ZNF652: variants seen among roughly 807,000 people sequenced by gnomAD.
ZNF652 encodes the protein zinc finger protein 652.
A neutral mutation model predicts 45.2 loss-of-function variants in ZNF652; 16 were observed. The observed-to-expected ratio is 0.35, with a 90% CI of 0.24 to 0.54. The LOEUF is 0.54. ZNF652 is among the 20% of genes least tolerant of loss of function. The pLI is 0.91. For synonymous variants in ZNF652, 250 were observed against 260.6 expected, an observed-to-expected ratio of 0.96 and a Z score of 0.39; for missense variants, 614 against 765.6, an observed-to-expected ratio of 0.80 and a Z score of 2.34.
At chr17:49,309,949 ATC>A (rs1343737848) in intron 5 of ZNF652, among the ~76,000 whole-genome samples, 2 of 151,976 alleles carry the variant, frequency 1.3e-5, no homozygotes, top group Non-Finnish European at 2.9e-5. Flanking sequence ...AAGCAAGATA[ATC>A]TCTGTTGTTC....
At chr17:49,356,419 ACT>A (rs1286600547) in intron 1 of ZNF652, among the ~76,000 whole-genome samples, 4 of 93,616 alleles carry the variant, frequency 4.3e-5, no homozygotes, top group East Asian at 6.7e-4. Context: ...ACAGAACAAG[ACT>A]CTGTCTGCAA....
rs763711516 is a variant in ZNF652 at position 49,311,442 on chromosome 17, C to A, written c.1179G>T (p.Arg393Ser). 5 of 1,613,888 alleles carry A rather than the reference C, an allele frequency of 3.1e-6. No individual in the cohort carries two copies. The Admixed American group carries it at 8.3e-5, about 27-fold the overall frequency. The change falls in exon 5 of 6, where the codon AGG becomes AGT. Residue 393 changes from arginine (R) to serine (S), a missense_variant. Transcript: ENST00000430262. ...KPFRCENCDE[R>S]FQYKYQLRSH... is the part of the protein sequence containing the mutation. ...AGCGTAGCTGGTACTTGTACTGAAA[C>A]CTTTCGTCACAGTTCTGCATTGGAT...
chr17:49,338,756 TGAG>T (rs1415957327), intron 1 of ZNF652, among the ~76,000 whole-genome samples: 1 of 152,032 alleles, frequency 6.6e-6, no homozygotes, highest in East Asian at 1.9e-4. Flanking sequence ...ATTTGGGGGC[TGAG>T]GAGACAGGAT....
chr17:49,341,134 C>G (rs1022117245), intron 1 of ZNF652, among the ~76,000 whole-genome samples: 1 of 151,858 alleles, frequency 6.6e-6, no homozygotes, highest in African/African-American at 2.4e-5. Flanking sequence ...TCATTTGAAC[C>G]CAGGAGGTGG....
intron 5 of ZNF652, among the ~76,000 whole-genome samples, chr17:49,299,921 A>G (rs1380014632): frequency 6.6e-6 from 1 of 151,540 alleles, no homozygotes; most frequent in Non-Finnish European, 1.5e-5. Flanking sequence ...CATGGGCTCA[A>G]GTGATCCTCC....
intron 1 of ZNF652, among the ~76,000 whole-genome samples, chr17:49,353,067 T>C (rs1468609286): frequency 2.0e-5 from 3 of 152,194 alleles, no homozygotes; most frequent in African/African-American, 7.2e-5. Context: ...TTATACAAAT[T>C]GATATTCACA....
chr17:49,298,984 C>T, intron 5 of ZNF652, 60 bp from the exon 6 acceptor site: 5 of 1,203,512 alleles, frequency 4.2e-6, no homozygotes, highest in Non-Finnish European at 5.5e-6. Context: ...TGTGCTCAAG[C>T]TTTTTTTTTT....
chr17:49,317,847 T>C lies in ZNF652; in HGVS notation c.-122A>G. 8.9e-7 allele frequency: 1 copy of C among 1,126,826 alleles called. No homozygotes were observed. Among genetic ancestry groups the C allele is most frequent in the African/African-American group, 1.6e-5 (1 of 63,808 alleles). The allele number at this position is 1,126,826 out of a possible 1,614,324, so 69.8% of individuals were successfully genotyped here. A position where few individuals can be genotyped will look rare whatever the true frequency, so the allele number is the denominator to read the frequency against. ...GAATCACTCAAATGAAAAAAAGATATTCCTGGAAACTGTGTGCAATTCTTC... is the reference window on the plus strand; with the variant it reads ...GAATCACTCAAATGAAAAAAAGATACTCCTGGAAACTGTGTGCAATTCTTC... On this transcript the variant is annotated 5_prime_UTR_variant, in exon 2 of 6. Coordinates refer to ENST00000430262, the MANE Select transcript of ZNF652 (RefSeq NM_001145365.3).
rs749590578 is a variant in ZNF652, at chr17:49,312,053, G to A, written c.1049-11C>T. The A allele has an allele frequency of 4.4e-6, 7 of 1,585,388 alleles. No homozygotes were observed. In the African/African-American group the frequency reaches 5.4e-5, roughly 12 times the overall value. ...TGTCTTTTGTGTGTGCTGCAACACAGAATGTACTTAGTGTCAAAACAAAAT... is the reference window on the plus strand; with the variant it reads ...TGTCTTTTGTGTGTGCTGCAACACAAAATGTACTTAGTGTCAAAACAAAAT... On this transcript the variant is annotated splice_polypyrimidine_tract_variant and intron_variant, in intron 3 of 5. Coordinates refer to ENST00000430262, the MANE Select transcript of ZNF652 (RefSeq NM_001145365.3).
In ZNF652 at chr17:49,298,162, A is replaced by G. The variant is rs2069500207; in HGVS notation, c.*251T>C. ...ACAAGTCTGAGTATTTGAAACTTAT[A>G]AAAGTCATCAGAAAATGCAAGCAAA... On this transcript the variant is annotated 3_prime_UTR_variant, in exon 6 of 6. Transcript: ENST00000430262. 1 of 520,248 alleles carries G rather than the reference A, an allele frequency of 1.9e-6. No individual in the cohort carries two copies. The highest frequency in any genetic ancestry group is 3.4e-6 in the Non-Finnish European group (1 of 294,648). The allele number at this position is 520,248 out of a possible 1,614,324, so 32.2% of individuals were successfully genotyped here.
At chr17:49,302,505 G>T (rs140302625) in intron 5 of ZNF652, among the ~76,000 whole-genome samples, 8,403 of 151,560 alleles carry the variant, frequency 0.055, 324 homozygotes, top group Middle Eastern at 0.14. Flanking sequence ...AGCCAGGATG[G>T]TTTTGATCTC....
At chr17:49,318,967 C>T (rs1185453440) in intron 1 of ZNF652, among the ~76,000 whole-genome samples, 1 of 152,160 alleles carries the variant, frequency 6.6e-6, no homozygotes, top group Non-Finnish European at 1.5e-5. Context: ...GTGCATAGCT[C>T]ACTACATTCA....
chr17:49,334,945 T>C (rs1362539274), intron 1 of ZNF652, among the ~76,000 whole-genome samples: 1 of 151,934 alleles, frequency 6.6e-6, no homozygotes, highest in Admixed American at 6.6e-5. Context: ...AAGTAAATCG[T>C]CATTAACAGG....
intron 5 of ZNF652, among the ~76,000 whole-genome samples, chr17:49,300,749 T>G (rs2069541729): frequency 6.6e-6 from 1 of 152,220 alleles, no homozygotes; most frequent in South Asian, 2.1e-4. Flanking sequence ...TCTCAACGAA[T>G]GTGTTTATTC....
At chr17:49,310,357 T>G (rs1186847732) in intron 5 of ZNF652, among the ~76,000 whole-genome samples, 2 of 152,204 alleles carry the variant, frequency 1.3e-5, no homozygotes, top group Non-Finnish European at 2.9e-5. Flanking sequence ...CCTGTTCAAT[T>G]TATGCAAAGA....
Position 49,356,429 on chromosome 17 carries a change from C to CAAAAA in ZNF652, c.-259+5475_-259+5479dup, listed in dbSNP as rs35374808. Among the ~76,000 whole-genome samples the CAAAAA allele has an allele frequency of 5.9e-4, 25 of 42,206 alleles. 3 individuals are homozygous for CAAAAA. The highest frequency in any genetic ancestry group is 0.022 in the Middle Eastern group (1 of 46). The allele number at this position is 42,206 out of a possible 152,430, so 27.7% of individuals were successfully genotyped here. On this transcript the variant is annotated intron_variant, in intron 1 of 5. Transcript: ENST00000430262. ...GGGGGACAGAACAAGACTCTGTCTG[C>CAAAAA]AAAAAAAAAAAAAAAAAAAAAATCA...
chr17:49,309,958 GTTCT>G (rs943629559), intron 5 of ZNF652, among the ~76,000 whole-genome samples: 1 of 151,844 alleles, frequency 6.6e-6, no homozygotes, highest in Non-Finnish European at 1.5e-5. Flanking sequence ...AATCTCTGTT[GTTCT>G]TTTTTTTTTG....
rs932123270 is a variant in ZNF652 at position 49,294,954 on chromosome 17, C to A, written c.*3459G>T. 3 of 152,122 alleles carry A rather than the reference C, an allele frequency of 2.0e-5. No individual in the cohort carries two copies. Among genetic ancestry groups the A allele is most frequent in the African/African-American group, 7.2e-5 (3 of 41,408 alleles). The allele number at this position is 152,122 out of a possible 1,614,324, so 9.4% of individuals were successfully genotyped here. On this transcript the variant is annotated 3_prime_UTR_variant, in exon 6 of 6. Transcript: ENST00000430262. The stretch of plus-strand genomic sequence containing the variant: ...TGTAGCATATATGGAAGAGAACATA[C>A]CACATAATGCAACTTTTATCTTACA...
intron 1 of ZNF652, among the ~76,000 whole-genome samples, chr17:49,333,426 T>G (rs998968365): frequency 6.8e-6 from 1 of 147,218 alleles, no homozygotes; most frequent in Non-Finnish European, 1.5e-5. Flanking sequence ...GATATACAAA[T>G]GGGCCAGGCG....
Sources: gnomAD v4.1 joint callset for allele counts (sites outside exome capture counted in the v4.1 genomes callset) on GRCh38, gnomAD v4.1.1 for gene constraint, MANE v1.5 for transcripts, NCBI Gene and HGNC (gene_info 2026-07-23, HGNC 2026-07-21) for gene names.